The following ERC1 variants were observed in gnomAD, a reference collection of about 807,000 sequenced individuals.
The protein encoded by ERC1 is RAB6 interacting protein 2.
ERC1 carries 56 observed loss-of-function variants against 132.0 expected under a neutral mutation model. The ratio of observed to expected loss-of-function variants is 0.42; its 90% confidence interval spans 0.34 to 0.53. The LOEUF is 0.53. ERC1 is among the 20% of genes least tolerant of loss of function. The pLI, the probability that ERC1 is intolerant of heterozygous loss-of-function variation, is 0.03. For missense variants in ERC1, 1,202 were observed against 1,349.9 expected, an observed-to-expected ratio of 0.89 and a Z score of 1.72; for synonymous variants, 478 against 476.1, an observed-to-expected ratio of 1.00 and a Z score of -0.05.
intron 16 of ERC1, among the ~76,000 whole-genome samples, chr12:1,395,407 GTTTTT>G (rs57837323): frequency 1.1e-4 from 16 of 141,848 alleles, no homozygotes; most frequent in East Asian, 6.5e-4. Flanking sequence ...AAATTTTGTA[GTTTTT>G]TTTTTTTTTT....
At chr12:1,175,595 G>A (rs1357491622) in intron 8 of ERC1, among the ~76,000 whole-genome samples, 3 of 150,602 alleles carry the variant, frequency 2.0e-5, no homozygotes, top group African/African-American at 7.3e-5. Context: ...GTGCAATGGC[G>A]TGATCTTGGT....
chr12:1,340,661 A>C (rs1467121410), intron 15 of ERC1, among the ~76,000 whole-genome samples: 1 of 151,734 alleles, frequency 6.6e-6, no homozygotes, highest in African/African-American at 2.4e-5. Context: ...TGTTCCCTCC[A>C]TCCACTCTCA....
chr12:1,398,059 C>T (rs1359222094), intron 16 of ERC1, among the ~76,000 whole-genome samples: 2 of 152,220 alleles, frequency 1.3e-5, no homozygotes, highest in Non-Finnish European at 2.9e-5. Context: ...TCACCACTCA[C>T]TGCAGCCTCA....
intron 7 of ERC1, among the ~76,000 whole-genome samples, chr12:1,134,815 G>A (rs957666598): frequency 6.7e-5 from 10 of 148,954 alleles, no homozygotes; most frequent in Middle Eastern, 3.2e-3. Flanking sequence ...TGCAACCTCC[G>A]CCTCCCGGGT....
chr12:1,434,546 A>G (rs2092898118), intron 17 of ERC1, among the ~76,000 whole-genome samples: 1 of 152,090 alleles, frequency 6.6e-6, no homozygotes, highest in Admixed American at 6.5e-5. Flanking sequence ...GTCAAATGCT[A>G]GGGTTTGTTC....
At chr12:1,484,079 G>T (rs1207684744) in intron 18 of ERC1, among the ~76,000 whole-genome samples, 4 of 151,542 alleles carry the variant, frequency 2.6e-5, no homozygotes, top group Non-Finnish European at 5.9e-5. Flanking sequence ...GCTGAGGCGG[G>T]CGGATCACGA....
chr12:1,064,220 C>CT (rs111805974), intron 2 of ERC1, among the ~76,000 whole-genome samples: 12,531 of 142,148 alleles, frequency 0.088, 727 homozygotes, highest in Admixed American at 0.15. Flanking sequence ...GTTTAAAAAA[C>CT]TTTTTTTTTT....
intron 15 of ERC1, among the ~76,000 whole-genome samples, chr12:1,294,234 C>G (rs542375102): frequency 7.2e-5 from 11 of 152,040 alleles, no homozygotes; most frequent in Non-Finnish European, 1.6e-4. Context: ...TTACAAATAA[C>G]CCTAAATGTT....
chr12:1,194,349 A>C (rs1192713343), intron 12 of ERC1, among the ~76,000 whole-genome samples: 2 of 152,150 alleles, frequency 1.3e-5, no homozygotes, highest in Non-Finnish European at 2.9e-5. Flanking sequence ...TGAACTCAGG[A>C]GGTGGAGGTT....
chr12:1,257,046 A>G (rs2076860882), intron 13 of ERC1: 1 of 150,672 alleles, frequency 6.6e-6, no homozygotes, highest in Non-Finnish European at 1.5e-5. Context: ...GTCTGTATGA[A>G]CCGTACAAGA....
rs1258457339 is a variant in ERC1, at chr12:1,183,416, A to G, written c.2152A>G (p.Lys718Glu). The G allele has an allele frequency of 1.8e-5, 28 of 1,560,566 alleles. No individual in the cohort carries two copies. Among genetic ancestry groups the G allele is most frequent in the Non-Finnish European group, 2.4e-5 (27 of 1,144,846 alleles). Residue 718 changes from lysine to glutamate, a missense_variant, in exon 11 of 19, where the codon AAA becomes GAA. Coordinates refer to ENST00000360905, the MANE Select transcript of ERC1 (RefSeq NM_178040.4). ...EECLKMESQL[K>E]KAHEAALEAR... ...GTGTCTGAAAATGGAATCACAATTG[A>G]AAAAGGTTAAAGAAAAAATTTCACA...
At chr12:1,007,288 A>G (rs773483816) in intron 1 of ERC1, among the ~76,000 whole-genome samples, 12 of 152,208 alleles carry the variant, frequency 7.9e-5, no homozygotes, top group Non-Finnish European at 1.2e-4. Context: ...TGAGTAAAGG[A>G]AATAACAGGA....
At chr12:1,478,435 C>T (rs1483293125) in intron 18 of ERC1, among the ~76,000 whole-genome samples, 2 of 152,170 alleles carry the variant, frequency 1.3e-5, no homozygotes. Context: ...TATGGATATG[C>T]ATACATCAGA....
chr12:1,266,610 G>T lies in ERC1; in HGVS notation c.2619+3445G>T, dbSNP rs375352693. 1.3e-3 allele frequency among the ~76,000 whole-genome samples: 197 copies of T among 151,656 alleles called. 2 individuals carry two copies. The South Asian group carries it at 0.015, about 12-fold the overall frequency. ...AGTAGAGACGGGGTTTCACCATGTT[G>T]GCCAGGCTGGTCTCGAACTCCTGAC... On this transcript the variant is annotated intron_variant, in intron 14 of 18. Coordinates refer to ENST00000360905, the MANE Select transcript of ERC1 (RefSeq NM_178040.4).
At chr12:1,023,433 G>T (rs997149970) in intron 1 of ERC1, among the ~76,000 whole-genome samples, 4 of 151,780 alleles carry the variant, frequency 2.6e-5, no homozygotes, top group African/African-American at 7.3e-5. Context: ...CCCTGCAGCA[G>T]CAGGTTTGGT....
chr12:1,311,037 A>G (rs2081267539), intron 15 of ERC1, among the ~76,000 whole-genome samples: 1 of 152,272 alleles, frequency 6.6e-6, no homozygotes, highest in African/African-American at 2.4e-5. Flanking sequence ...GAGACAAGAA[A>G]CATAGGCACA....
rs149266803 is a variant in ERC1, at chr12:1,401,573, A to G, written c.2926-6576A>G. Among the ~76,000 whole-genome samples the G allele has an allele frequency of 3.9e-4, 59 of 152,304 alleles. 1 individual carries two copies. In the East Asian group the frequency reaches 0.011, roughly 28 times the overall value. ...GCCCTGTGACTTATTCATCATATGA[A>G]TGTCGCTAAGTTATTTAGGCTCTCT... On this transcript the variant is annotated intron_variant, in intron 16 of 18. Coordinates refer to ENST00000360905, the MANE Select transcript of ERC1 (RefSeq NM_178040.4).
chr12:1,013,659 G>T (rs1565782782), intron 1 of ERC1, among the ~76,000 whole-genome samples: 1 of 152,156 alleles, frequency 6.6e-6, no homozygotes, highest in Admixed American at 6.6e-5. Flanking sequence ...ATACATTTTA[G>T]TTACATGCTG....
intron 1 of ERC1, among the ~76,000 whole-genome samples, chr12:1,008,526 T>A (rs570164723): frequency 6.6e-6 from 1 of 152,220 alleles, no homozygotes; most frequent in Non-Finnish European, 1.5e-5. Flanking sequence ...ATCCATCCGC[T>A]TCAGCCTCCC....
Sources: gnomAD v4.1 joint callset for allele counts (sites outside exome capture counted in the v4.1 genomes callset) on GRCh38, gnomAD v4.1.1 for gene constraint, MANE v1.5 for transcripts, NCBI Gene and HGNC (gene_info 2026-07-23, HGNC 2026-07-21) for gene names.